The following CPA3 variants were observed in gnomAD, a reference collection of about 807,000 sequenced individuals.
CPA3 encodes the protein carboxypeptidase A3, also known as mast cell carboxypeptidase A.
A neutral mutation model predicts 55.8 loss-of-function variants in CPA3; 52 were observed. The observed-to-expected ratio is 0.93, with a 90% CI of 0.75 to 1.17. The LOEUF (loss-of-function observed/expected upper bound fraction) is 1.17, where lower values mean the gene tolerates loss of function less well. Ranked by LOEUF, CPA3 falls within the 50% of genes most tolerant of loss-of-function variation. The pLI, the probability that CPA3 is intolerant of heterozygous loss-of-function variation, is 0.00. For synonymous variants in CPA3, 179 were observed against 171.2 expected, an observed-to-expected ratio of 1.05 and a Z score of -0.36; for missense variants, 547 against 509.1, an observed-to-expected ratio of 1.07 and a Z score of -0.72.
intron 10 of CPA3, among the ~76,000 whole-genome samples, chr3:148,889,707 T>C (rs567997604): frequency 5.1e-4 from 77 of 151,758 alleles, no homozygotes; most frequent in African/African-American, 1.7e-3. Flanking sequence ...CCATCTCTAC[T>C]AAAAATACAA....
chr3:148,889,869 C>CAAAAAAAA (rs10693111), intron 10 of CPA3, among the ~76,000 whole-genome samples: 3 of 110,202 alleles, frequency 2.7e-5, no homozygotes, highest in Non-Finnish European at 5.3e-5. Context: ...AACTCCATCT[C>CAAAAAAAA]AAAAAAAAAA....
intron 3 of CPA3, among the ~76,000 whole-genome samples, chr3:148,872,552 A>G (rs989843565): frequency 1.3e-5 from 2 of 152,206 alleles, no homozygotes; most frequent in Non-Finnish European, 2.9e-5. Context: ...ACACAGTGAT[A>G]ATCAACACCT....
chr3:148,867,313 A>G (rs531319571), intron 2 of CPA3, among the ~76,000 whole-genome samples: 1 of 152,324 alleles, frequency 6.6e-6, no homozygotes, highest in African/African-American at 2.4e-5. Flanking sequence ...TCTTCTGTTC[A>G]TCAACTCTCG....
chr3:148,896,421 A>C, intron 10 of CPA3, 99 bp from the exon 11 acceptor site: 1 of 1,003,944 alleles, frequency 1.0e-6, no homozygotes, highest in Non-Finnish European at 1.4e-6. Flanking sequence ...AACTGCACAC[A>C]TAACTATTTT....
At chr3:148,876,863 T>C (rs763895506) in intron 3 of CPA3, among the ~76,000 whole-genome samples, 1 of 152,220 alleles carries the variant, frequency 6.6e-6, no homozygotes, top group Non-Finnish European at 1.5e-5. Context: ...GCATATATGA[T>C]GATGACATTT....
chr3:148,875,920 T>C lies in CPA3; in HGVS notation c.270-2521T>C, dbSNP rs569051736. On this transcript the variant is annotated intron_variant, in intron 3 of 10. Coordinates refer to ENST00000296046, the MANE Select transcript of CPA3 (RefSeq NM_001870.4). Reference sequence around the variant, plus strand: ...TCCTGTAAAAAGCAGAAAAAAAGAATGCCGTCTATGGCTACTATTATTTAT... The same window carrying C: ...TCCTGTAAAAAGCAGAAAAAAAGAACGCCGTCTATGGCTACTATTATTTAT... 1.7e-4 allele frequency among the ~76,000 whole-genome samples: 26 copies of C among 152,234 alleles called. No individual in the cohort carries two copies. The South Asian group carries it at 5.4e-3, about 32-fold the overall frequency.
chr3:148,895,593 C>T (rs1440759053), intron 10 of CPA3, among the ~76,000 whole-genome samples: 3 of 152,190 alleles, frequency 2.0e-5, no homozygotes, highest in Non-Finnish European at 4.4e-5. Flanking sequence ...AACAATTACT[C>T]TCCCCAGTGC....
chr3:148,894,100 A>G (rs1714755885), intron 10 of CPA3, among the ~76,000 whole-genome samples: 1 of 152,232 alleles, frequency 6.6e-6, no homozygotes, highest in African/African-American at 2.4e-5. Flanking sequence ...TGGATTCAGT[A>G]TAAATAAATA....
chr3:148,873,025 TACAC>T (rs10536988), intron 3 of CPA3, among the ~76,000 whole-genome samples: 13,830 of 103,514 alleles, frequency 0.13, 772 homozygotes, highest in East Asian at 0.36. Flanking sequence ...CTTCTATGAA[TACAC>T]ACACACACAC....
rs778144890 is a variant in CPA3 at position 148,879,875 on chromosome 3, T to C, written c.562T>C (p.Trp188Arg). ...ATGGGTCTCCCCAGCATTCTGCCAGTGGTTTGTCTATCAGGTAAGTGAATC... is the reference window on the plus strand; with the variant it reads ...ATGGGTCTCCCCAGCATTCTGCCAGCGGTTTGTCTATCAGGTAAGTGAATC... Reference protein sequence around the residue: ...REWVSPAFCQWFVYQATKTYG... With the variant: ...REWVSPAFCQRFVYQATKTYG... The change falls in exon 6 of 11, where the codon TGG (tryptophan) becomes CGG (arginine). Residue 188 changes from tryptophan to arginine, a missense_variant. Transcript: ENST00000296046. 1.9e-6 allele frequency: 3 copies of C among 1,611,620 alleles called. No individual in the cohort carries two copies. Among genetic ancestry groups the C allele is most frequent in the Non-Finnish European group, 2.5e-6 (3 of 1,177,862 alleles).
intron 3 of CPA3, among the ~76,000 whole-genome samples, chr3:148,873,015 C>T: frequency 7.0e-6 from 1 of 142,780 alleles, no homozygotes; most frequent in Non-Finnish European, 1.5e-5. Flanking sequence ...TGGTCCTTTA[C>T]TTCTATGAAT....
chr3:148,894,711 G>C (rs527601827), intron 10 of CPA3, among the ~76,000 whole-genome samples: 8 of 152,140 alleles, frequency 5.3e-5, no homozygotes, highest in African/African-American at 1.4e-4. Context: ...TCAGAGCAAA[G>C]AAATTTGCTA....
At chr3:148,879,962 T>G in intron 6 of CPA3, 73 bp downstream of exon 6, 1 of 1,018,812 alleles carries the variant, frequency 9.8e-7, no homozygotes, top group Non-Finnish European at 1.5e-6. Flanking sequence ...TGGCGACATC[T>G]TTCCAAACAC....
intron 10 of CPA3, among the ~76,000 whole-genome samples, chr3:148,890,967 G>A (rs543937604): frequency 2.0e-5 from 3 of 152,280 alleles, no homozygotes; most frequent in African/African-American, 7.2e-5. Context: ...ATAGAACTGA[G>A]TAAAGACTTG....
chr3:148,887,832 G>A (rs903662679), intron 10 of CPA3, among the ~76,000 whole-genome samples: 2 of 152,210 alleles, frequency 1.3e-5, no homozygotes, highest in Admixed American at 6.5e-5. Context: ...TACAGTGCAC[G>A]GCATGGAACA....
chr3:148,878,327 A>G, intron 3 of CPA3, 114 bp from the exon 4 acceptor site: 1 of 783,970 alleles, frequency 1.3e-6, no homozygotes, highest in Non-Finnish European at 2.2e-6. Context: ...GAAGAAACAG[A>G]GCAAACTTGA....
At chr3:148,885,458 T>G (rs770771172) in intron 9 of CPA3, among the ~76,000 whole-genome samples, 11 of 139,762 alleles carry the variant, frequency 7.9e-5, no homozygotes, top group Non-Finnish European at 1.4e-4. Flanking sequence ...GTCACCAGGC[T>G]GGAGTGCAGT....
rs770330448 is a variant in CPA3, at chr3:148,882,553, A to C, written c.736A>C (p.Ile246Leu). ...TTCCAAGAACCAAAACTCCAAATGCATCGGCACTGACCTCAACAGGAATTT... is the reference window on the plus strand; with the variant it reads ...TTCCAAGAACCAAAACTCCAAATGCCTCGGCACTGACCTCAACAGGAATTT... Reference protein sequence around the residue: ...NRSKNQNSKCIGTDLNRNFNA... With the variant: ...NRSKNQNSKCLGTDLNRNFNA... The change falls in exon 8 of 11, where the codon ATC (isoleucine) becomes CTC (leucine). Residue 246 changes from isoleucine to leucine, a missense_variant. Transcript: ENST00000296046. 1.9e-6 allele frequency: 3 copies of C among 1,613,838 alleles called. No individual in the cohort carries two copies. The highest frequency in any genetic ancestry group is 2.5e-6 in the Non-Finnish European group (3 of 1,179,766).
chr3:148,873,044 A>G (rs1714107024), intron 3 of CPA3, among the ~76,000 whole-genome samples: 1 of 150,502 alleles, frequency 6.6e-6, no homozygotes, highest in Admixed American at 6.6e-5. Context: ...ACACACACAC[A>G]CACACACACA....
Sources: allele counts gnomAD v4.1 joint callset (sites outside exome capture counted in the v4.1 genomes callset), GRCh38; gene constraint gnomAD v4.1.1; transcripts MANE v1.5; gene names NCBI Gene and HGNC (gene_info 2026-07-23, HGNC 2026-07-21).